Variants in NRP2 observed in about 807,000 individuals in gnomAD.
NRP2 encodes the protein neuropilin 2, also known as neuropilin-2.
A neutral mutation model predicts 110.4 loss-of-function variants in NRP2; 52 were observed. That is an observed-to-expected ratio of 0.47 (90% CI 0.38 to 0.59). NRP2 has a LOEUF of 0.59. Among genes scored for constraint, NRP2 ranks in the 20% least tolerant of loss-of-function variants. The probability of loss-of-function intolerance (pLI) is 0.00; values close to 1 mark genes in which losing one functional copy is unlikely to be tolerated. For synonymous variants in NRP2, 508 were observed against 468.9 expected, an observed-to-expected ratio of 1.08 and a Z score of -1.08; for missense variants, 1,049 against 1,203.0, an observed-to-expected ratio of 0.87 and a Z score of 1.89.
At chr2:205,749,471 G>T (rs1204691785) in intron 10 of NRP2, among the ~76,000 whole-genome samples, 1 of 152,156 alleles carries the variant, frequency 6.6e-6, no homozygotes, top group African/African-American at 2.4e-5. Flanking sequence ...TAAACTCGGG[G>T]CCTCTGCTGT....
chr2:205,763,209 C>T lies in NRP2; in HGVS notation c.2045-465C>T, dbSNP rs2105917544. ...GGCCAGGGCTGGAAGCATCAACCAC[C>T]TGGTCATAGTCACCCTCCAATCTAG... On this transcript the variant is annotated intron_variant, in intron 12 of 16. Coordinates refer to ENST00000357785, the MANE Select transcript of NRP2 (RefSeq NM_003872.3). This position sits in a 1 kb window ranked among gnomAD's most constrained non-coding sequence, Gnocchi z 4.0. Among the ~76,000 whole-genome samples the T allele has an allele frequency of 6.6e-6, 1 of 152,264 alleles. No individual in the cohort carries two copies. The highest frequency in any genetic ancestry group is 1.9e-4 in the East Asian group (1 of 5,174).
intron 9 of NRP2, 83 bp downstream of exon 9, chr2:205,743,635 C>A: frequency 1.3e-6 from 2 of 1,547,308 alleles, no homozygotes; most frequent in South Asian, 1.2e-5. Context: ...CTGATGATGT[C>A]CCATCTAAAC....
intron 15 of NRP2, among the ~76,000 whole-genome samples, chr2:205,784,499 C>A (rs111491053): frequency 8.2e-4 from 125 of 152,300 alleles, no homozygotes; most frequent in Non-Finnish European, 1.6e-3. Context: ...CTAGATGGGG[C>A]CAACATGGGT....
intron 10 of NRP2, among the ~76,000 whole-genome samples, chr2:205,746,394 C>A (rs753155222): frequency 3.0e-4 from 45 of 152,230 alleles, no homozygotes; most frequent in Non-Finnish European, 5.7e-4. Context: ...GACTCCTTCT[C>A]ATTGTCCTGC....
chr2:205,758,021 A>G (rs1343216959), intron 12 of NRP2, among the ~76,000 whole-genome samples: 1 of 152,170 alleles, frequency 6.6e-6, no homozygotes, highest in African/African-American at 2.4e-5. Context: ...CGGCAGAGTG[A>G]AAAAACAGCT....
intron 7 of NRP2, among the ~76,000 whole-genome samples, chr2:205,736,454 C>T (rs1032159604): frequency 1.3e-5 from 2 of 152,150 alleles, no homozygotes; most frequent in African/African-American, 4.8e-5. Context: ...GGCAACCCAC[C>T]GATTTTTCTC....
intron 7 of NRP2, among the ~76,000 whole-genome samples, chr2:205,731,640 C>G (rs186158737): frequency 1.6e-4 from 24 of 152,304 alleles, no homozygotes; most frequent in African/African-American, 5.5e-4. Flanking sequence ...CTTGTTGACA[C>G]AGCTCTAGTT....
chr2:205,689,957 A>C (rs2056270831), intron 1 of NRP2, among the ~76,000 whole-genome samples: 1 of 152,162 alleles, frequency 6.6e-6, no homozygotes, highest in Non-Finnish European at 1.5e-5. Flanking sequence ...AGGAGTCATT[A>C]TCTAATCCAG....
intron 15 of NRP2, chr2:205,777,504 A>T (rs1204908203): frequency 6.6e-6 from 1 of 152,250 alleles, no homozygotes; most frequent in Non-Finnish European, 1.5e-5. Context: ...GACGTAGGAA[A>T]AACAGTAGTC....
chr2:205,745,047 C>T (rs780804465), intron 9 of NRP2, among the ~76,000 whole-genome samples: 12 of 152,224 alleles, frequency 7.9e-5, no homozygotes, highest in Non-Finnish European at 1.3e-4. Flanking sequence ...TGGCCACCCA[C>T]TCCTGTCCTT....
intron 14 of NRP2, among the ~76,000 whole-genome samples, chr2:205,765,895 C>T (rs2057910430): frequency 1.3e-5 from 2 of 152,146 alleles, no homozygotes; most frequent in South Asian, 4.1e-4. Flanking sequence ...AGAGCAACTG[C>T]CAGTCAAAAT....
chr2:205,788,222 T>C (rs1249226019), intron 15 of NRP2, among the ~76,000 whole-genome samples: 1 of 152,206 alleles, frequency 6.6e-6, no homozygotes, highest in African/African-American at 2.4e-5. Context: ...GGTGACTTTT[T>C]GGCCTGAGAC....
At chr2:205,704,721 A>G (rs1165638125) in intron 2 of NRP2, among the ~76,000 whole-genome samples, 1 of 152,246 alleles carries the variant, frequency 6.6e-6, no homozygotes, top group Admixed American at 6.5e-5. Flanking sequence ...TAACTGTCTC[A>G]ATGCAAGCTT....
intron 15 of NRP2, among the ~76,000 whole-genome samples, chr2:205,784,776 TC>T (rs749923285): frequency 6.6e-6 from 1 of 152,110 alleles, no homozygotes; most frequent in Non-Finnish European, 1.5e-5. Flanking sequence ...TGACCCCTTT[TC>T]TTCTCTGGCA....
chr2:205,685,444 G>A (rs558263600), intron 1 of NRP2, among the ~76,000 whole-genome samples: 1 of 152,348 alleles, frequency 6.6e-6, no homozygotes, highest in South Asian at 2.1e-4. Context: ...GTGTGCGCCG[G>A]CCGGGAAGGG....
In NRP2 at chr2:205,743,188, C is replaced by G. The variant is rs1364475114; in HGVS notation, c.1292-15C>G. On this transcript the variant is annotated splice_polypyrimidine_tract_variant and intron_variant, in intron 8 of 16. Coordinates refer to ENST00000357785, the MANE Select transcript of NRP2 (RefSeq NM_003872.3). ...GTCAGCCATGACCTCTTGTATCTTC[C>G]TCTCCTCTCTGCAGATGCTCCCTGC... is the stretch of plus-strand genomic sequence containing the variant. 4.4e-6 allele frequency: 7 copies of G among 1,608,406 alleles called. No homozygotes were observed. In the African/African-American group the frequency reaches 9.3e-5, roughly 21 times the overall value.
chr2:205,735,183 G>A (rs1340221493), intron 7 of NRP2, among the ~76,000 whole-genome samples: 1 of 152,092 alleles, frequency 6.6e-6, no homozygotes, highest in Non-Finnish European at 1.5e-5. Context: ...GGGCACATGG[G>A]TATTGATAGC....
intron 15 of NRP2, among the ~76,000 whole-genome samples, chr2:205,769,570 T>G (rs924846201): frequency 6.7e-6 from 1 of 148,418 alleles, no homozygotes; most frequent in Non-Finnish European, 1.5e-5. Context: ...TGTGAGTCAG[T>G]AATGAAGAAA....
intron 1 of NRP2, among the ~76,000 whole-genome samples, chr2:205,690,506 T>C (rs1019712868): frequency 7.3e-5 from 11 of 150,088 alleles, no homozygotes; most frequent in Non-Finnish European, 1.3e-4. Context: ...GAGGAGGAGG[T>C]GGGCAGATCA....
Sources: allele counts gnomAD v4.1 joint callset (sites outside exome capture counted in the v4.1 genomes callset), GRCh38; gene constraint gnomAD v4.1.1; non-coding constraint Gnocchi (gnomAD v3.1); transcripts MANE v1.5; gene names NCBI Gene and HGNC (gene_info 2026-07-23, HGNC 2026-07-21).